MRPL1: variants seen among roughly 807,000 people sequenced by gnomAD.
The protein encoded by MRPL1 is mitochondrial ribosomal protein L1, also known as large ribosomal subunit protein uL1m.
A neutral mutation model predicts 38.0 loss-of-function variants in MRPL1; 28 were observed. The observed-to-expected ratio is 0.74, with a 90% CI of 0.55 to 1.01. The LOEUF (loss-of-function observed/expected upper bound fraction) is 1.01, where lower values mean the gene tolerates loss of function less well. Ranked by LOEUF, MRPL1 falls within the 50% of genes least tolerant of loss-of-function variation. The probability of loss-of-function intolerance (pLI) is 0.00; values close to 1 mark genes in which losing one functional copy is unlikely to be tolerated. For synonymous variants in MRPL1, 123 were observed against 126.7 expected (o/e 0.97, Z 0.20); for missense variants, 358 against 389.8 (o/e 0.92, Z 0.69).
At chr4:77,900,525 C>T (rs966219344) in intron 6 of MRPL1, among the ~76,000 whole-genome samples, 3 of 152,092 alleles carry the variant, frequency 2.0e-5, no homozygotes, top group African/African-American at 7.2e-5. Context: ...ATGAATCAGG[C>T]AGAGGAAATG....
At chr4:77,908,666 C>T (rs188404473) in intron 6 of MRPL1, among the ~76,000 whole-genome samples, 1 of 152,348 alleles carries the variant, frequency 6.6e-6, no homozygotes, top group East Asian at 1.9e-4. Context: ...AATATTACCA[C>T]AAACAGTTGC....
chr4:77,948,578 T>C (rs371943517), intron 7 of MRPL1, among the ~76,000 whole-genome samples: 3 of 152,204 alleles, frequency 2.0e-5, no homozygotes, highest in East Asian at 1.9e-4. Context: ...CAAGTGGGTG[T>C]TGAATAAATG....
intron 1 of MRPL1, among the ~76,000 whole-genome samples, chr4:77,869,170 A>G (rs1735221306): frequency 6.6e-6 from 1 of 152,174 alleles, no homozygotes. Flanking sequence ...GCAGTATAGG[A>G]CTGACCTCAA....
chr4:77,929,261 TAAATAA>T (rs1236489186), intron 7 of MRPL1, among the ~76,000 whole-genome samples: 1 of 146,896 alleles, frequency 6.8e-6, no homozygotes, highest in Non-Finnish European at 1.5e-5. Flanking sequence ...CCCACATCTC[TAAATAA>T]AAATAAAAAT....
At chr4:77,936,501 T>C (rs1166773652) in intron 7 of MRPL1, among the ~76,000 whole-genome samples, 1 of 152,216 alleles carries the variant, frequency 6.6e-6, no homozygotes, top group African/African-American at 2.4e-5. Flanking sequence ...CATCCTTCAG[T>C]CTGTCTTCTG....
At chr4:77,898,692 C>G (rs1735971939) in intron 6 of MRPL1, among the ~76,000 whole-genome samples, 1 of 152,000 alleles carries the variant, frequency 6.6e-6, no homozygotes, top group Non-Finnish European at 1.5e-5. Context: ...TGGGGTTTCA[C>G]CATGTTGGCC....
At chr4:77,899,619 A>G (rs11723221) in intron 6 of MRPL1, among the ~76,000 whole-genome samples, 21,368 of 152,110 alleles carry the variant, frequency 0.14, 1,732 homozygotes, top group South Asian at 0.2. Flanking sequence ...TAATGTATGC[A>G]GTCCTAACTC....
intron 5 of MRPL1, among the ~76,000 whole-genome samples, chr4:77,888,528 T>TAAAC (rs541850187): frequency 6.6e-6 from 1 of 151,724 alleles, no homozygotes; most frequent in Non-Finnish European, 1.5e-5. Flanking sequence ...ATAAAATAAA[T>TAAAC]AAACAAACAA....
At chr4:77,944,970 A>G (rs1737220575) in intron 7 of MRPL1, among the ~76,000 whole-genome samples, 2 of 152,046 alleles carry the variant, frequency 1.3e-5, no homozygotes, top group Admixed American at 1.3e-4. Context: ...GCTCATGAAT[A>G]AGTTACAGAG....
At chr4:77,940,730 T>C (rs368567934) in intron 7 of MRPL1, among the ~76,000 whole-genome samples, 14 of 152,292 alleles carry the variant, frequency 9.2e-5, no homozygotes, top group African/African-American at 3.4e-4. Flanking sequence ...CTATGCTGAT[T>C]TTGCTGAGGG....
chr4:77,949,731 G>C, intron 7 of MRPL1, 66 bp from the exon 8 acceptor site: 1 of 1,144,820 alleles, frequency 8.7e-7, no homozygotes, highest in Non-Finnish European at 1.3e-6. Context: ...TTGAAAAATA[G>C]TCTAGAATAA....
At chr4:77,885,225 A>G in intron 3 of MRPL1, 31 bp from the exon 4 acceptor site, 1 of 1,496,100 alleles carries the variant, frequency 6.7e-7, no homozygotes, top group East Asian at 2.3e-5. Flanking sequence ...GATTAACTTT[A>G]CGTAATTATT....
At chr4:77,871,237 G>T (rs1360140044) in intron 1 of MRPL1, among the ~76,000 whole-genome samples, 1 of 151,240 alleles carries the variant, frequency 6.6e-6, no homozygotes, top group Non-Finnish European at 1.5e-5. Context: ...AAAAAAAAAA[G>T]ATAAGATAGT....
At chr4:77,876,020 T>G (rs971621040) in intron 2 of MRPL1, among the ~76,000 whole-genome samples, 2 of 152,172 alleles carry the variant, frequency 1.3e-5, no homozygotes, top group Non-Finnish European at 2.9e-5. Flanking sequence ...TTGACCAGGT[T>G]GGAGTGCAGT....
intron 7 of MRPL1, among the ~76,000 whole-genome samples, chr4:77,920,971 G>C (rs540226433): frequency 6.6e-6 from 1 of 152,192 alleles, no homozygotes; most frequent in South Asian, 2.1e-4. Flanking sequence ...CACCAGGTTG[G>C]CCATGCTAGT....
chr4:77,896,444 A>G (rs1735916568), intron 6 of MRPL1, among the ~76,000 whole-genome samples: 1 of 152,134 alleles, frequency 6.6e-6, no homozygotes, highest in South Asian at 2.1e-4. Context: ...TGATCTATTT[A>G]ATGGCACTGG....
At chr4:77,916,263 CA>C (rs1736422454) in intron 7 of MRPL1, among the ~76,000 whole-genome samples, 1 of 152,100 alleles carries the variant, frequency 6.6e-6, no homozygotes, top group Non-Finnish European at 1.5e-5. Context: ...TAACTTTTGA[CA>C]TTTAAAAAAT....
In MRPL1 at chr4:77,949,786, T is replaced by A. The variant is rs4859513; in HGVS notation, c.778-11T>A. On this transcript the variant is annotated splice_polypyrimidine_tract_variant and intron_variant, in intron 7 of 8. Transcript: ENST00000315567. The stretch of plus-strand genomic sequence containing the variant: ...CTCATCATTAATGTTATGTATATTA[T>A]TTTCTTTCAGTTGGATATGTCAAGT... 802,916 of 1,550,894 alleles carry A rather than the reference T, an allele frequency of 0.52. 213,352 individuals carry two copies. Among genetic ancestry groups the A allele is most frequent in the Admixed American group, 0.57 (33,004 of 58,058 alleles).
At chr4:77,937,045 A>T (rs1737000533) in intron 7 of MRPL1, among the ~76,000 whole-genome samples, 1 of 152,088 alleles carries the variant, frequency 6.6e-6, no homozygotes, top group Admixed American at 6.5e-5. Context: ...AGATTGCTTG[A>T]GGCCAGGAGG....
Sources: gnomAD v4.1 joint callset for allele counts (sites outside exome capture counted in the v4.1 genomes callset) on GRCh38, gnomAD v4.1.1 for gene constraint, MANE v1.5 for transcripts, NCBI Gene and HGNC (gene_info 2026-07-23, HGNC 2026-07-21) for gene names.